Variants in DHX30 observed in about 807,000 individuals in gnomAD.
DHX30 encodes the protein ATP-dependent RNA helicase DHX30.
Under a neutral mutation model 116.9 loss-of-function variants are expected in DHX30, and 4 were observed. That is an observed-to-expected ratio of 0.03 (90% CI 0.02 to 0.08). The LOEUF is 0.08. DHX30 is among the 10% of genes least tolerant of loss of function. DHX30 has a pLI of 1.00. For synonymous variants in DHX30, 697 were observed against 651.7 expected, an observed-to-expected ratio of 1.07 and a Z score of -1.06; for missense variants, 871 against 1,595.1, an observed-to-expected ratio of 0.55 and a Z score of 7.73.
In DHX30 at chr3:47,829,665, A is replaced by G. The variant is rs369915560; in HGVS notation, c.366+531A>G. On this transcript the variant is annotated intron_variant, in intron 6 of 21. Transcript: ENST00000445061. ...TTTTCTGTGGTTTTAAAAACCGCCC[A>G]GCCTATCTTCTGTGGTTTTAAAAAC... Among the ~76,000 whole-genome samples the G allele has an allele frequency of 5.9e-5, 9 of 151,874 alleles. No homozygotes were observed. The East Asian group carries it at 1.6e-3, about 26-fold the overall frequency.
intron 4 of DHX30, among the ~76,000 whole-genome samples, chr3:47,819,435 T>G (rs2036202530): frequency 6.6e-6 from 1 of 152,196 alleles, no homozygotes; most frequent in East Asian, 1.9e-4. Context: ...TGCTGTGCTC[T>G]CTTCCCCAGA....
chr3:47,831,930 C>CTTTTTTTTTTTTTTTTTTTTTTTT (rs147733795), intron 6 of DHX30, among the ~76,000 whole-genome samples: 1 of 127,466 alleles, frequency 7.8e-6, no homozygotes, highest in Non-Finnish European at 1.6e-5. Flanking sequence ...TTTCCTTTTT[C>CTTTTTTTTTTTTTTTTTTTTTTTT]TTTTTTTTTT....
intron 9 of DHX30, 151 bp downstream of exon 9, chr3:47,843,406 G>A: frequency 1.8e-6 from 2 of 1,086,714 alleles, no homozygotes; most frequent in Non-Finnish European, 2.6e-6. Context: ...GGCCTCGCTT[G>A]TAGGCCCTGT....
Position 47,849,307 on chromosome 3 carries a change from G to A in DHX30, c.3045G>A (p.Val1015=). 1 of 1,614,104 alleles carries A rather than the reference G, an allele frequency of 6.2e-7. No individual in the cohort carries two copies. Among genetic ancestry groups the A allele is most frequent in the Non-Finnish European group, 8.5e-7 (1 of 1,180,024 alleles). Residue 1015 remains valine (V), a synonymous_variant, in exon 19 of 22, where the codon GTG becomes GTA. Coordinates refer to ENST00000445061, the MANE Select transcript of DHX30 (RefSeq NM_138615.3). ...AGTACAGTGAGGAGGAGGAGCTGGT[G>A]AAGGGCGTGCTGATGGCCGGCCTCT... is the stretch of plus-strand genomic sequence containing the variant. ...CNEYSEEEEL[V]KGVLMAGLYP... is the part of the protein sequence containing the mutation.
At chr3:47,803,279 C>A in intron 1 of DHX30, 67 bp downstream of exon 1, 1 of 390,172 alleles carries the variant, frequency 2.6e-6, no homozygotes, top group South Asian at 1.3e-4. Context: ...CGGGGGTGGT[C>A]GTCGTGAGGA....
At position 47,827,543 on chromosome 3, in the gene DHX30, G is replaced by T; in HGVS notation, c.255+66G>T. ...AGAAAGGAGGCTGTTTGTCCTTTCT[G>T]TCTTAGGTTTCTTTGTCAAGGAGGC... On this transcript the variant is annotated intron_variant, in intron 5 of 21. Transcript: ENST00000445061. The T allele has an allele frequency of 1.9e-6, 3 of 1,550,004 alleles. No individual in the cohort carries two copies. In the African/African-American group the frequency reaches 4.2e-5, roughly 22 times the overall value.
Position 47,847,265 on chromosome 3 carries a change from C to A in DHX30, c.1930-8C>A, listed in dbSNP as rs368737078. 1.2e-6 allele frequency: 2 copies of A among 1,614,264 alleles called. No individual in the cohort carries two copies. Among genetic ancestry groups the A allele is most frequent in the African/African-American group, 1.3e-5 (1 of 75,068 alleles). On this transcript the variant is annotated splice_polypyrimidine_tract_variant and splice_region_variant and intron_variant, in intron 11 of 21. Transcript: ENST00000445061. The surrounding 1 kb of genome is among the most constrained non-coding windows in gnomAD (Gnocchi z 5.5). Reference sequence around the variant, plus strand: ...GCTGTGACTGTGGCCTCTCTTCCCCCACCCCAGTCTGAGGATGAATGCGCA... The same window carrying A: ...GCTGTGACTGTGGCCTCTCTTCCCCAACCCCAGTCTGAGGATGAATGCGCA...
Position 47,846,971 on chromosome 3 carries a change from C to T in DHX30, c.1899C>T (p.His633=), listed in dbSNP as rs1187623930. The change falls in exon 11 of 22, where the codon CAC becomes CAT. Residue 633 remains histidine (H), a synonymous_variant. Transcript: ENST00000445061. ...ACATCCTGGCCAAGTTGGGCAAGCA[C>T]CAGTACCTGCACCGGCACCGGCACC... ...LEDILAKLGK[H]QYLHRHRHHE... is the part of the protein sequence containing the mutation. 5 of 1,613,118 alleles carry T rather than the reference C, an allele frequency of 3.1e-6. No individual in the cohort carries two copies. The highest frequency in any genetic ancestry group is 4.2e-6 in the Non-Finnish European group (5 of 1,179,806).
chr3:47,818,159 G>A (rs2036142554), intron 4 of DHX30, 42 bp downstream of exon 4: 1 of 766,222 alleles, frequency 1.3e-6, no homozygotes, highest in African/African-American at 1.7e-5. Flanking sequence ...TTGGTCCAGG[G>A]TCTGTGGGGA....
chr3:47,825,192 C>G (rs1285378062), intron 4 of DHX30: 1 of 659,160 alleles, frequency 1.5e-6, no homozygotes, highest in Non-Finnish European at 2.7e-6. Context: ...CCGCCGAGGC[C>G]GAGTCAGGGA....
At chr3:47,803,647 T>G (rs1429782848) in intron 1 of DHX30, among the ~76,000 whole-genome samples, 1 of 152,182 alleles carries the variant, frequency 6.6e-6, no homozygotes, top group Admixed American at 6.5e-5. Flanking sequence ...CCCGGACCGT[T>G]CGTCCAGAGG....
intron 3 of DHX30, among the ~76,000 whole-genome samples, chr3:47,817,290 ATATTTCCACCTTCCTTACCCATG>A (rs1176238062): frequency 2.6e-5 from 4 of 152,164 alleles, no homozygotes; most frequent in South Asian, 2.1e-4. Context: ...CCTTACCCAT[ATATTTCCACCTTCCTTACCCATG>A]TATTTCCACC....
chr3:47,819,162 C>G, intron 4 of DHX30: 1 of 1,283,496 alleles, frequency 7.8e-7, no homozygotes, highest in Non-Finnish European at 1.1e-6. Context: ...AAATGCCACC[C>G]CCCTACCGTT....
At chr3:47,817,413 G>T (rs183420291) in intron 3 of DHX30, among the ~76,000 whole-genome samples, 33 of 152,280 alleles carry the variant, frequency 2.2e-4, no homozygotes, top group Admixed American at 1.4e-3. Context: ...TTACTAATAA[G>T]TAGCATTTAG....
At chr3:47,828,457 C>A (rs978199014) in intron 5 of DHX30, among the ~76,000 whole-genome samples, 1 of 144,494 alleles carries the variant, frequency 6.9e-6, no homozygotes, top group African/African-American at 2.6e-5. Flanking sequence ...GAGATCCTGT[C>A]CCCCACAAAA....
At chr3:47,831,352 C>T (rs1345573347) in intron 6 of DHX30, among the ~76,000 whole-genome samples, 3 of 152,110 alleles carry the variant, frequency 2.0e-5, no homozygotes, top group Non-Finnish European at 2.9e-5. Context: ...TCAAGCCATT[C>T]ATGAGAGATC....
rs1335108495 is a variant in DHX30, at chr3:47,829,822, C to CT, written c.366+695dup. ...TCTATCGCAATGTAGTCCTGTCTTA[C>CT]TTTTTTTAAATTTTTTAATTTTTTT... On this transcript the variant is annotated intron_variant, in intron 6 of 21. Transcript: ENST00000445061. Among the ~76,000 whole-genome samples, 15 of 151,996 alleles carry CT rather than the reference C, an allele frequency of 9.9e-5. 1 individual carries two copies. In the South Asian group the frequency reaches 3.1e-3, roughly 32 times the overall value.
At position 47,849,950 on chromosome 3, in the gene DHX30, A is replaced by G. The variant is rs1193689599; in HGVS notation, c.3415A>G (p.Lys1139Glu). ...EGDSRTVRLLKELRRALGRMV... is the reference protein window; with the variant it reads ...EGDSRTVRLLEELRRALGRMV... Reference sequence around the variant, plus strand: ...TGACTCGCGTACCGTGCGGCTGCTGAAGGAGCTGCGGCGGGCCCTGGGCCG... The same window carrying G: ...TGACTCGCGTACCGTGCGGCTGCTGGAGGAGCTGCGGCGGGCCCTGGGCCG... The change falls in exon 22 of 22, where the codon AAG (lysine) becomes GAG (glutamate). Residue 1139 changes from lysine (K) to glutamate (E), a missense_variant. Lys to Glu is a moderately conservative substitution (Grantham distance 56). This residue lies in a region of DHX30 where 238 missense variants were observed against 481.0 expected (regional missense o/e 0.49). Coordinates refer to ENST00000445061, the MANE Select transcript of DHX30 (RefSeq NM_138615.3). 1 of 1,613,000 alleles carries G rather than the reference A, an allele frequency of 6.2e-7. No individual in the cohort carries two copies. The highest frequency in any genetic ancestry group is 1.3e-5 in the African/African-American group (1 of 74,922).
intron 4 of DHX30, among the ~76,000 whole-genome samples, chr3:47,823,001 G>T (rs1365114508): frequency 2.0e-5 from 3 of 150,188 alleles, no homozygotes; most frequent in Admixed American, 6.7e-5. Context: ...GCTGAGCCAG[G>T]ATAATGGTGT....
Sources: gnomAD v4.1 joint callset for allele counts (sites outside exome capture counted in the v4.1 genomes callset) on GRCh38, gnomAD v4.1.1 for gene constraint, gnomAD v4.1.1 regional missense constraint, Gnocchi (gnomAD v3.1) non-coding constraint, MANE v1.5 for transcripts, NCBI Gene and HGNC (gene_info 2026-07-23, HGNC 2026-07-21) for gene names.